HELLS: variants seen among roughly 807,000 people sequenced by gnomAD.
HELLS encodes the protein helicase, lymphoid specific.
A neutral mutation model predicts 120.0 loss-of-function variants in HELLS; 32 were observed. That is an observed-to-expected ratio of 0.27 (90% CI 0.20 to 0.36). The LOEUF (loss-of-function observed/expected upper bound fraction) is 0.36. HELLS is among the 10% of genes least tolerant of loss of function. The probability of loss-of-function intolerance (pLI) is 1.00; values close to 1 mark genes in which losing one functional copy is unlikely to be tolerated. For synonymous variants in HELLS, 341 were observed against 323.4 expected, an observed-to-expected ratio of 1.05 and a Z score of -0.58; for missense variants, 650 against 993.4, an observed-to-expected ratio of 0.65 and a Z score of 4.65.
intron 10 of HELLS, among the ~76,000 whole-genome samples, chr10:94,580,152 TATATATATATAC>T (rs1396479230): frequency 0.017 from 875 of 50,972 alleles, 12 homozygotes; most frequent in African/African-American, 0.086. Context: ...TATATATATA[TATATATATATAC>T]ACACACACAC....
intron 13 of HELLS, among the ~76,000 whole-genome samples, chr10:94,589,553 G>T (rs1171287869): frequency 6.6e-6 from 1 of 152,084 alleles, no homozygotes; most frequent in African/African-American, 2.4e-5. Flanking sequence ...AACTGAAGGA[G>T]ACCCTTAAGT....
intron 2 of HELLS, among the ~76,000 whole-genome samples, chr10:94,550,766 A>G (rs1339486893): frequency 6.6e-6 from 1 of 152,038 alleles, no homozygotes; most frequent in Non-Finnish European, 1.5e-5. Context: ...GCACGCGCCT[A>G]TAGTCCTAGC....
intron 6 of HELLS, among the ~76,000 whole-genome samples, chr10:94,564,361 T>C (rs1019623143): frequency 2.0e-5 from 3 of 152,190 alleles, no homozygotes; most frequent in South Asian, 4.1e-4. Flanking sequence ...TACCAGCTCT[T>C]TGTTAAACGA....
chr10:94,551,993 C>T (rs1843001019), intron 2 of HELLS, among the ~76,000 whole-genome samples: 1 of 152,184 alleles, frequency 6.6e-6, no homozygotes, highest in African/African-American at 2.4e-5. Flanking sequence ...CCCGCCTCAG[C>T]CTCCCAAAGT....
At chr10:94,571,496 T>C (rs1204400229) in intron 7 of HELLS, 67 bp downstream of exon 7, 4 of 1,301,506 alleles carry the variant, frequency 3.1e-6, no homozygotes, top group Non-Finnish European at 4.3e-6. Flanking sequence ...TAGTCCTTTT[T>C]CTTTAATCAG....
chr10:94,605,281 C>G (rs539096276), downstream of HELLS, among the ~76,000 whole-genome samples: 2 of 152,210 alleles, frequency 1.3e-5, no homozygotes, highest in South Asian at 4.2e-4. Flanking sequence ...CAGGGTTTCA[C>G]CATGTTGGCC....
intron 8 of HELLS, 46 bp from the exon 9 acceptor site, chr10:94,574,508 G>T (rs1318293138): frequency 7.4e-7 from 1 of 1,357,150 alleles, no homozygotes; most frequent in Non-Finnish European, 1.0e-6. Flanking sequence ...TAATCCTGTA[G>T]TTGTTTATAT....
intron 12 of HELLS, 24 bp downstream of exon 12, chr10:94,583,083 C>T (rs903509965): frequency 5.1e-6 from 7 of 1,382,754 alleles, no homozygotes; most frequent in African/African-American, 1.4e-5. Flanking sequence ...TCTTATTCTG[C>T]TTAACCATAG....
intron 6 of HELLS, among the ~76,000 whole-genome samples, chr10:94,565,189 T>C (rs111714710): frequency 0.17 from 25,540 of 152,062 alleles, 2,326 homozygotes; most frequent in Middle Eastern, 0.24. Flanking sequence ...ATATAAAAAT[T>C]AGCTGGGAAT....
intron 3 of HELLS, among the ~76,000 whole-genome samples, chr10:94,556,664 A>G (rs1843280631): frequency 6.6e-6 from 1 of 152,112 alleles, no homozygotes; most frequent in African/African-American, 2.4e-5. Flanking sequence ...TTCTGTTATT[A>G]TAGGTTCATT....
At chr10:94,594,600 TC>T in intron 18 of HELLS, 94 bp from the exon 19 acceptor site, 1 of 890,558 alleles carries the variant, frequency 1.1e-6, no homozygotes, top group Non-Finnish European at 1.6e-6. Context: ...ATTTAAAAGT[TC>T]CTGGCTAGAT....
At chr10:94,550,602 T>G (rs934184702) in intron 2 of HELLS, among the ~76,000 whole-genome samples, 1 of 151,964 alleles carries the variant, frequency 6.6e-6, no homozygotes, top group African/African-American at 2.4e-5. Flanking sequence ...TTTAAAAATA[T>G]GTGCTGGCCA....
rs1264843919 is a variant in HELLS, at chr10:94,571,557, T to TA, written c.477+129dup. The TA allele has an allele frequency of 6.3e-5, 43 of 677,644 alleles. No individual in the cohort carries two copies. The Middle Eastern group carries it at 1.3e-3, about 21-fold the overall frequency. 42.0% of individuals were successfully genotyped at this position (677,644 alleles called of 1,614,324 possible). Reference sequence around the variant, plus strand: ...CCTGTTTCTTTGCTTTAAAAAAAAATACCTATGTATTCACTTCTTCCATAT... The same window carrying TA: ...CCTGTTTCTTTGCTTTAAAAAAAAATAACCTATGTATTCACTTCTTCCATAT... On this transcript the variant is annotated intron_variant, in intron 7 of 21. Coordinates refer to ENST00000348459, the MANE Select transcript of HELLS (RefSeq NM_018063.5).
At position 94,601,712 on chromosome 10, in the gene HELLS, C is replaced by CT; in HGVS notation, c.*96dup. On this transcript the variant is annotated 3_prime_UTR_variant, in exon 22 of 22. Coordinates refer to ENST00000348459, the MANE Select transcript of HELLS (RefSeq NM_018063.5). The stretch of plus-strand genomic sequence containing the variant: ...TTGAAATACTGATTGTCCACTTCAC[C>CT]TTTTTTATTATATCAGTTGACATGT... 1.5e-6 allele frequency: 1 copy of CT among 649,968 alleles called. No individual in the cohort carries two copies. The highest frequency in any genetic ancestry group is 2.0e-5 in the South Asian group (1 of 49,996). The allele number at this position is 649,968 out of a possible 1,614,324, so 40.3% of individuals were successfully genotyped here. A position where few individuals can be genotyped will look rare whatever the true frequency, so the allele number is the denominator to read the frequency against.
intron 4 of HELLS, among the ~76,000 whole-genome samples, chr10:94,559,767 A>G (rs966250997): frequency 2.6e-5 from 4 of 152,186 alleles, no homozygotes; most frequent in African/African-American, 9.6e-5. Context: ...ATATTAATCA[A>G]CATATATATT....
chr10:94,590,902 AT>A (rs1411106032), intron 15 of HELLS, 126 bp downstream of exon 15: 1 of 524,648 alleles, frequency 1.9e-6, no homozygotes, highest in African/African-American at 2.0e-5. Context: ...GAAGATTGTA[AT>A]CCTTCAGTAA....
At position 94,592,519 on chromosome 10, in the gene HELLS, G is replaced by T; in HGVS notation, c.1971+5G>T. The T allele has an allele frequency of 6.9e-7, 1 of 1,440,814 alleles. No homozygotes were observed. Among genetic ancestry groups the T allele is most frequent in the Non-Finnish European group, 9.1e-7 (1 of 1,094,100 alleles). 89.3% of individuals were successfully genotyped at this position (1,440,814 alleles called of 1,614,324 possible). A position where few individuals can be genotyped will look rare whatever the true frequency, so the allele number is the denominator to read the frequency against. Reference sequence around the variant, plus strand: ...TACTCAGAGAGAGAAAAAAACGTAAGACTACTTATGTCATACATACCAAAC... The same window carrying T: ...TACTCAGAGAGAGAAAAAAACGTAATACTACTTATGTCATACATACCAAAC... On this transcript the variant is annotated splice_donor_5th_base_variant and intron_variant, in intron 17 of 21. Coordinates refer to ENST00000348459, the MANE Select transcript of HELLS (RefSeq NM_018063.5).
At chr10:94,562,307 G>A (rs1017074790) in intron 4 of HELLS, among the ~76,000 whole-genome samples, 2 of 152,124 alleles carry the variant, frequency 1.3e-5, no homozygotes, top group African/African-American at 2.4e-5. Context: ...GGAGGCTGAA[G>A]CAGGGGAATC....
intron 4 of HELLS, among the ~76,000 whole-genome samples, chr10:94,558,725 C>A (rs938866627): frequency 3.9e-5 from 6 of 152,038 alleles, no homozygotes; most frequent in Non-Finnish European, 7.4e-5. Flanking sequence ...TCTCAGCCTC[C>A]CGAGTAGCTG....
Sources: allele counts gnomAD v4.1 joint callset (sites outside exome capture counted in the v4.1 genomes callset), GRCh38; gene constraint gnomAD v4.1.1; transcripts MANE v1.5; gene names NCBI Gene and HGNC (gene_info 2026-07-23, HGNC 2026-07-21).